Variants in EIF4A1 observed in about 807,000 individuals in gnomAD.
The protein encoded by EIF4A1 is eukaryotic initiation factor 4A-I.
EIF4A1 carries 11 observed loss-of-function variants against 53.5 expected under a neutral mutation model. The ratio of observed to expected loss-of-function variants is 0.21; its 90% confidence interval spans 0.13 to 0.34. EIF4A1 has a LOEUF of 0.34. EIF4A1 is among the 10% of genes least tolerant of loss of function. The pLI, the probability that EIF4A1 is intolerant of heterozygous loss-of-function variation, is 1.00. For synonymous variants in EIF4A1, 237 were observed against 186.7 expected, an observed-to-expected ratio of 1.27 and a Z score of -2.20; for missense variants, 213 against 530.8, an observed-to-expected ratio of 0.40 and a Z score of 5.88.
Position 7,575,013 on chromosome 17 carries a change from T to C in EIF4A1, c.206-106T>C, listed in dbSNP as rs1383176917. On this transcript the variant is annotated intron_variant, in intron 3 of 10. Transcript: ENST00000293831. ...GATTGGGAAGGTAGTTTGTGAGCCA[T>C]GAAATGCTTGGTTCATTGGTTGCTT... 22 of 1,469,808 alleles carry C rather than the reference T, an allele frequency of 1.5e-5. 1 individual carries two copies. The highest frequency in any genetic ancestry group is 2.5e-4 in the Middle Eastern group (1 of 4,058). The allele number at this position is 1,469,808 out of a possible 1,614,324, so 91.0% of individuals were successfully genotyped here. A position where few individuals can be genotyped will look rare whatever the true frequency, so the allele number is the denominator to read the frequency against.
intron 1 of EIF4A1, chr17:7,573,232 C>T (rs1298155532): frequency 7.5e-6 from 3 of 402,308 alleles, no homozygotes; most frequent in Admixed American, 3.9e-5. Flanking sequence ...CCGGTTGCCT[C>T]CCTGTGCCGG....
chr17:7,577,956 T>C lies in EIF4A1; in HGVS notation c.996+40T>C. Reference sequence around the variant, plus strand: ...CTGATAGCAAAGGCAGAAGGGAGGATCCAAGGTGATTCCCTCTCCAAGGGG... The same window carrying C: ...CTGATAGCAAAGGCAGAAGGGAGGACCCAAGGTGATTCCCTCTCCAAGGGG... On this transcript the variant is annotated intron_variant, in intron 9 of 10. Coordinates refer to ENST00000293831, the MANE Select transcript of EIF4A1 (RefSeq NM_001416.4). The surrounding 1 kb of genome is among the most constrained non-coding windows in gnomAD (Gnocchi z 4.7). 2 of 1,610,546 alleles carry C rather than the reference T, an allele frequency of 1.2e-6. No homozygotes were observed. The highest frequency in any genetic ancestry group is 1.7e-6 in the Non-Finnish European group (2 of 1,176,762).
intron 3 of EIF4A1, 40 bp from the exon 4 acceptor site, chr17:7,575,079 A>G (rs1156819371): frequency 6.2e-7 from 1 of 1,609,454 alleles, no homozygotes; most frequent in Non-Finnish European, 8.5e-7. Context: ...CCCAAAGGGT[A>G]TGCTCTTTAC....
In EIF4A1 at chr17:7,575,078, T is replaced by C. The variant is rs1469701623; in HGVS notation, c.206-41T>C. ...CCTAGGACTTGAATATCCCAAAGGG[T>C]ATGCTCTTTACCACATTCAACTCCT... On this transcript the variant is annotated intron_variant, in intron 3 of 10. Coordinates refer to ENST00000293831, the MANE Select transcript of EIF4A1 (RefSeq NM_001416.4). The C allele has an allele frequency of 3.1e-6, 5 of 1,609,080 alleles. No individual in the cohort carries two copies. The South Asian group carries it at 3.3e-5, about 11-fold the overall frequency.
chr17:7,578,517 G>A lies in EIF4A1; in HGVS notation c.*31G>A. On this transcript the variant is annotated 3_prime_UTR_variant, in exon 11 of 11. Transcript: ENST00000293831. ...TGTCCTGCCACCCAGCCCCAGCCAG[G>A]GCTCAATCTCTGGGGGCTGAGGAGC... 15 of 1,547,480 alleles carry A rather than the reference G, an allele frequency of 9.7e-6. No homozygotes were observed. The highest frequency in any genetic ancestry group is 1.2e-5 in the Non-Finnish European group (14 of 1,145,114).
At position 7,578,324 on chromosome 17, in the gene EIF4A1, C is replaced by T. The variant is rs1567735927; in HGVS notation, c.1077-18C>T. ...CTTAAAGCTCCTGATATTCCTCATC[C>T]CCTTCCTTGTTTTCCAGAATCGGTC... is the stretch of plus-strand genomic sequence containing the variant. On this transcript the variant is annotated intron_variant, in intron 10 of 10. Coordinates refer to ENST00000293831, the MANE Select transcript of EIF4A1 (RefSeq NM_001416.4). The T allele has an allele frequency of 1.9e-6, 3 of 1,612,826 alleles. No individual in the cohort carries two copies. Among genetic ancestry groups the T allele is most frequent in the Non-Finnish European group, 2.5e-6 (3 of 1,179,178 alleles).
chr17:7,576,308 C>G (rs184478819), intron 4 of EIF4A1: 3 of 501,636 alleles, frequency 6.0e-6, no homozygotes, highest in African/African-American at 3.9e-5. Context: ...ACTGTACACT[C>G]AGGAACCAGA....
At chr17:7,573,379 G>A (rs2071352328) in intron 1 of EIF4A1, 1 of 187,244 alleles carries the variant, frequency 5.3e-6, no homozygotes, top group Non-Finnish European at 1.1e-5. Flanking sequence ...CGTTCAGTGT[G>A]CTGGTTTTCT....
chr17:7,575,399 T>G (rs941371059), intron 4 of EIF4A1, 141 bp downstream of exon 4: 1 of 1,209,098 alleles, frequency 8.3e-7, no homozygotes, highest in Admixed American at 1.9e-5. Flanking sequence ...GCTGGGTTAA[T>G]TAAAAGCTAT....
chr17:7,572,930 G>A (rs2071342790), intron 1 of EIF4A1, 66 bp downstream of exon 1: 3 of 1,613,848 alleles, frequency 1.9e-6, no homozygotes, highest in East Asian at 2.2e-5. Flanking sequence ...CGGGCCCGCC[G>A]GGGGTAGCTG....
At position 7,573,291 on chromosome 17, in the gene EIF4A1, C is replaced by G. The variant is rs549885590; in HGVS notation, c.23+427C>G. On this transcript the variant is annotated intron_variant, in intron 1 of 10. Coordinates refer to ENST00000293831, the MANE Select transcript of EIF4A1 (RefSeq NM_001416.4). ...CGGAGCATTCTGACGGTACCACTCGCGAGAGGCGGGGGTGCCTGGTCCTTA... is the reference window on the plus strand; with the variant it reads ...CGGAGCATTCTGACGGTACCACTCGGGAGAGGCGGGGGTGCCTGGTCCTTA... The G allele has an allele frequency of 2.4e-3, 680 of 287,060 alleles. 2 individuals are homozygous for G. Among genetic ancestry groups the G allele is most frequent in the Non-Finnish European group, 3.8e-3 (574 of 149,190 alleles). 17.8% of individuals were successfully genotyped at this position (287,060 alleles called of 1,614,324 possible).
chr17:7,574,458 A>G, intron 2 of EIF4A1, 88 bp from the exon 3 acceptor site: 1 of 1,600,812 alleles, frequency 6.2e-7, no homozygotes, highest in Non-Finnish European at 8.5e-7. Flanking sequence ...GGCTTTTGTT[A>G]GTAGGCACCA....
At chr17:7,576,479 G>T (rs757084672) in intron 4 of EIF4A1, 45 bp from the exon 5 acceptor site, 36 of 1,511,402 alleles carry the variant, frequency 2.4e-5, no homozygotes, top group Non-Finnish European at 3.2e-5. Context: ...ATGGTGCCGG[G>T]CACAGTGGTA....
chr17:7,574,897 G>A, intron 3 of EIF4A1: 1 of 1,027,072 alleles, frequency 9.7e-7, no homozygotes, highest in African/African-American at 1.6e-5. Context: ...TGCATCTACA[G>A]CCATGTTTCT....
At chr17:7,578,265 C>G (rs773505409) in intron 10 of EIF4A1, 21 bp downstream of exon 10, 1 of 1,614,034 alleles carries the variant, frequency 6.2e-7, no homozygotes, top group East Asian at 2.2e-5. Context: ...ATCTGGAACA[C>G]TCCCCTACCC....
chr17:7,574,919 G>T (rs1454625309), intron 3 of EIF4A1, 200 bp from the exon 4 acceptor site: 1 of 1,004,864 alleles, frequency 1.0e-6, no homozygotes, highest in Non-Finnish European at 1.6e-6. Flanking sequence ...GTCCAGCTTG[G>T]TGTGCAATAC....
At chr17:7,575,406 C>A in intron 4 of EIF4A1, 148 bp downstream of exon 4, 1 of 1,162,262 alleles carries the variant, frequency 8.6e-7, no homozygotes, top group Non-Finnish European at 1.2e-6. Flanking sequence ...TAATTAAAAG[C>A]TATTTCTTAC....
At chr17:7,575,635 GCA>G in intron 4 of EIF4A1, 1 of 361,448 alleles carries the variant, frequency 2.8e-6, no homozygotes, top group East Asian at 6.9e-5. Flanking sequence ...CATGCCTGGG[GCA>G]CACACAATTC....
chr17:7,576,991 T>C, intron 5 of EIF4A1, 65 bp from the exon 6 acceptor site: 1 of 1,576,088 alleles, frequency 6.3e-7, no homozygotes. Flanking sequence ...TCAGCGAAGT[T>C]GGATATATCT....
Sources: allele counts gnomAD v4.1 joint callset, GRCh38; gene constraint gnomAD v4.1.1; non-coding constraint Gnocchi (gnomAD v3.1); transcripts MANE v1.5; gene names NCBI Gene and HGNC (gene_info 2026-07-23, HGNC 2026-07-21).